Variants in SSBP2 observed in about 807,000 individuals in gnomAD.
SSBP2 encodes the protein single stranded DNA binding protein 2.
Under a neutral mutation model 61.8 loss-of-function variants are expected in SSBP2, and 17 were observed. The ratio of observed to expected loss-of-function variants is 0.28; its 90% CI spans 0.19 to 0.41. The LOEUF is 0.41. SSBP2 is among the 10% of genes least tolerant of loss of function. SSBP2 has a pLI of 1.00. For missense variants in SSBP2, 310 were observed against 458.7 expected (o/e 0.68, Z 2.96); for synonymous variants, 139 against 141.3 (o/e 0.98, Z 0.12).
At chr5:81,648,710 T>C (rs1489566396) in intron 2 of SSBP2, among the ~76,000 whole-genome samples, 2 of 152,096 alleles carry the variant, frequency 1.3e-5, no homozygotes, top group East Asian at 3.8e-4. Context: ...TTTTTAATTT[T>C]TATGGGTACA....
At chr5:81,583,209 A>T (rs766246996) in intron 4 of SSBP2, among the ~76,000 whole-genome samples, 1 of 152,122 alleles carries the variant, frequency 6.6e-6, no homozygotes, top group Non-Finnish European at 1.5e-5. Context: ...CCTGAGTGAG[A>T]TCCTGTCTCA....
At chr5:81,737,278 G>A (rs1756684827) in intron 1 of SSBP2, among the ~76,000 whole-genome samples, 1 of 137,474 alleles carries the variant, frequency 7.3e-6, no homozygotes. Flanking sequence ...GCCCCTCCTT[G>A]CAAAATTCTC....
intron 1 of SSBP2, among the ~76,000 whole-genome samples, chr5:81,748,420 T>C (rs116082683): frequency 1.9e-3 from 290 of 152,290 alleles, no homozygotes; most frequent in African/African-American, 6.7e-3. Flanking sequence ...TGTTAGTACA[T>C]TGTTGCAGAA....
intron 2 of SSBP2, 70 bp downstream of exon 2, chr5:81,650,190 TCAAATAA>T: frequency 9.3e-7 from 1 of 1,076,118 alleles, no homozygotes; most frequent in Non-Finnish European, 1.3e-6. Context: ...CAAACTTTTT[TCAAATAA>T]TTATTATAGT....
chr5:81,614,554 G>T (rs1016108876), intron 4 of SSBP2, among the ~76,000 whole-genome samples: 1 of 151,982 alleles, frequency 6.6e-6, no homozygotes, highest in African/African-American at 2.4e-5. Context: ...TTGAGCGCTG[G>T]TTCTGGTTTT....
chr5:81,631,638 G>A (rs1445540302), intron 3 of SSBP2, among the ~76,000 whole-genome samples: 1 of 151,986 alleles, frequency 6.6e-6, no homozygotes, highest in Non-Finnish European at 1.5e-5. Context: ...TATTTTGTGT[G>A]TGCGCCTACT....
chr5:81,469,768 C>A (rs1333591024), intron 8 of SSBP2, among the ~76,000 whole-genome samples: 5 of 151,848 alleles, frequency 3.3e-5, no homozygotes, highest in African/African-American at 1.2e-4. Context: ...AGTGAATAAT[C>A]TAAAGCAAAA....
At chr5:81,685,959 T>C (rs1752741153) in intron 1 of SSBP2, among the ~76,000 whole-genome samples, 1 of 152,228 alleles carries the variant, frequency 6.6e-6, no homozygotes. Flanking sequence ...CTCAGTTCGC[T>C]ATGTAAATAA....
intron 1 of SSBP2, among the ~76,000 whole-genome samples, chr5:81,689,231 T>A (rs1420053569): frequency 6.6e-6 from 1 of 151,932 alleles, no homozygotes; most frequent in African/African-American, 2.4e-5. Flanking sequence ...ATGTAGGAAA[T>A]AGCCTCAAAG....
chr5:81,723,130 AT>A (rs1755647907), intron 1 of SSBP2, among the ~76,000 whole-genome samples: 1 of 152,012 alleles, frequency 6.6e-6, no homozygotes, highest in African/African-American at 2.4e-5. Context: ...ATGCTTATCC[AT>A]TTAGGAATAA....
At chr5:81,604,255 C>CTTTT (rs1208837769) in intron 4 of SSBP2, among the ~76,000 whole-genome samples, 1 of 138,514 alleles carries the variant, frequency 7.2e-6, no homozygotes, top group East Asian at 2.1e-4. Context: ...CTTTTCTTTT[C>CTTTT]TTTTTTTTTT....
At chr5:81,586,257 A>C (rs11745832) in intron 4 of SSBP2, among the ~76,000 whole-genome samples, 1 of 152,024 alleles carries the variant, frequency 6.6e-6, no homozygotes, top group Non-Finnish European at 1.5e-5. Context: ...TTTCATTCTC[A>C]CCAAAAGTGT....
At chr5:81,567,569 C>G (rs1296329204) in intron 4 of SSBP2, among the ~76,000 whole-genome samples, 3 of 152,198 alleles carry the variant, frequency 2.0e-5, no homozygotes, top group Non-Finnish European at 4.4e-5. Flanking sequence ...TTCCCCCAGA[C>G]AGTCTCTACT....
chr5:81,588,221 G>T (rs1010312007), intron 4 of SSBP2, among the ~76,000 whole-genome samples: 1 of 149,884 alleles, frequency 6.7e-6, no homozygotes, highest in Non-Finnish European at 1.5e-5. Flanking sequence ...GGGATTACAG[G>T]CATGAGCCAC....
In SSBP2 at chr5:81,461,702, A is replaced by G. The variant is rs6898861; in HGVS notation, c.639-599T>C. On this transcript the variant is annotated intron_variant, in intron 9 of 16. Coordinates refer to ENST00000320672, the MANE Select transcript of SSBP2 (RefSeq NM_012446.5). ...ATGAGAAATCCCATTTCTTGTTCTC[A>G]TAATTTCAGTCCAGATAGTGGCCAG... Among the ~76,000 whole-genome samples, 918 of 152,240 alleles carry G rather than the reference A, an allele frequency of 6.0e-3. 10 individuals carry two copies. The highest frequency in any genetic ancestry group is 0.021 in the African/African-American group (876 of 41,558).
intron 4 of SSBP2, among the ~76,000 whole-genome samples, chr5:81,541,831 TAAG>T (rs1771297920): frequency 6.6e-6 from 1 of 152,024 alleles, no homozygotes; most frequent in African/African-American, 2.4e-5. Context: ...GAAAAAAAAG[TAAG>T]AAACACCATT....
chr5:81,463,038 C>T (rs1764650126), intron 9 of SSBP2, among the ~76,000 whole-genome samples: 1 of 151,750 alleles, frequency 6.6e-6, no homozygotes, highest in Admixed American at 6.6e-5. Flanking sequence ...TTAAATGTTA[C>T]ATTTATGTCA....
chr5:81,516,894 C>T (rs999884883), intron 4 of SSBP2, among the ~76,000 whole-genome samples: 5 of 152,030 alleles, frequency 3.3e-5, no homozygotes, highest in African/African-American at 7.2e-5. Flanking sequence ...AGCTAACTTC[C>T]AAAACTCATG....
At chr5:81,578,709 G>A (rs1158238525) in intron 4 of SSBP2, among the ~76,000 whole-genome samples, 2 of 151,422 alleles carry the variant, frequency 1.3e-5, no homozygotes. Flanking sequence ...CACCAGTAAA[G>A]GTAAATCACA....
Sources: gnomAD v4.1 joint callset for allele counts (sites outside exome capture counted in the v4.1 genomes callset) on GRCh38, gnomAD v4.1.1 for gene constraint, MANE v1.5 for transcripts, NCBI Gene and HGNC (gene_info 2026-07-23, HGNC 2026-07-21) for gene names.